The following RBBP8NL variants were observed in gnomAD, a reference collection of about 807,000 sequenced individuals.
The protein encoded by RBBP8NL is RBBP8 N-terminal like.
Under a neutral mutation model 62.2 loss-of-function variants are expected in RBBP8NL, and 59 were observed. The observed-to-expected ratio is 0.95, with a 90% CI of 0.77 to 1.18. The LOEUF is 1.18. RBBP8NL is among the 50% of genes most tolerant of loss of function. The probability of loss-of-function intolerance (pLI) is 0.00; values close to 1 mark genes in which losing one functional copy is unlikely to be tolerated. For missense variants in RBBP8NL, 896 were observed against 899.5 expected (o/e 1.00, Z 0.05); for synonymous variants, 412 against 394.1 (o/e 1.05, Z -0.54).
In RBBP8NL at chr20:62,419,660, C is replaced by T; in HGVS notation, c.-13G>A. 6.2e-7 allele frequency: 1 copy of T among 1,612,626 alleles called. No individual in the cohort carries two copies. The highest frequency in any genetic ancestry group is 8.5e-7 in the Non-Finnish European group (1 of 1,179,882). On this transcript the variant is annotated 5_prime_UTR_variant, in exon 2 of 14. Transcript: ENST00000252998. ...TGAAGCTCTCCATGGCTCCCTGTGG[C>T]CCTGGCCCGGGCCCCTCTGCGCTGG...
At chr20:62,419,885 C>T (rs984198252) in intron 1 of RBBP8NL, among the ~76,000 whole-genome samples, 155 bp from the exon 2 acceptor site, 3 of 152,198 alleles carry the variant, frequency 2.0e-5, no homozygotes, top group Non-Finnish European at 4.4e-5. Flanking sequence ...GGCTCCCGAA[C>T]CCCACGGGCA....
At chr20:62,415,476 T>A in intron 8 of RBBP8NL, 102 bp downstream of exon 8, 1 of 1,426,636 alleles carries the variant, frequency 7.0e-7, no homozygotes, top group Non-Finnish European at 9.8e-7. Context: ...ACATTCAGGG[T>A]TAGGCGCATG....
At position 62,414,041 on chromosome 20, in the gene RBBP8NL, G is replaced by A; in HGVS notation, c.1310C>T (p.Ala437Val). ...RTEAAATQDC[A>V]LDKPLDLSEW... Reference sequence around the variant, plus strand: ...CGAGAGGTCCAGGGGCTTGTCTAGGGCACAGTCCTGCGTGGCTGCAGCCTC... The same window carrying A: ...CGAGAGGTCCAGGGGCTTGTCTAGGACACAGTCCTGCGTGGCTGCAGCCTC... The change falls in exon 10 of 14, where the codon GCC becomes GTC. Residue 437 changes from alanine (A) to valine (V), a missense_variant. Ala to Val is a moderately conservative substitution (Grantham distance 64, BLOSUM62 0). Transcript: ENST00000252998. The A allele has an allele frequency of 1.9e-6, 3 of 1,591,494 alleles. No individual in the cohort carries two copies. The highest frequency in any genetic ancestry group is 1.7e-6 in the Non-Finnish European group (2 of 1,170,204).
chr20:62,411,310 C>T (rs865872084), intron 13 of RBBP8NL, among the ~76,000 whole-genome samples: 3 of 152,166 alleles, frequency 2.0e-5, no homozygotes, highest in Admixed American at 1.3e-4. Context: ...ACACTGGCTG[C>T]GGGCCTCAGC....
intron 1 of RBBP8NL, among the ~76,000 whole-genome samples, chr20:62,422,940 C>T (rs1988739031): frequency 6.6e-6 from 1 of 152,004 alleles, no homozygotes; most frequent in Non-Finnish European, 1.5e-5. Flanking sequence ...CCTCCAGCCA[C>T]CCTCGGAGGG....
chr20:62,420,011 T>C (rs1988665600), intron 1 of RBBP8NL, among the ~76,000 whole-genome samples: 1 of 151,860 alleles, frequency 6.6e-6, no homozygotes, highest in Non-Finnish European at 1.5e-5. Flanking sequence ...GCATCTGGGG[T>C]GAGTGCCGGC....
chr20:62,416,767 G>A lies in RBBP8NL; in HGVS notation c.306C>T (p.Phe102=). The A allele has an allele frequency of 1.3e-6, 2 of 1,581,996 alleles. No individual in the cohort carries two copies. Among genetic ancestry groups the A allele is most frequent in the Non-Finnish European group, 1.7e-6 (2 of 1,162,570 alleles). The change falls in exon 5 of 14, where the codon TTC becomes TTT. Residue 102 remains phenylalanine, a synonymous_variant. Transcript: ENST00000252998. ...SSHLQNLQRI[F]ILTNEMNGLK... ...CTGGTGGGTGGGGCTCACTGAGGAT[G>A]AAGATGCGCTGCAGGTTCTGCAGGT...
chr20:62,416,074 TG>T, intron 6 of RBBP8NL, 89 bp downstream of exon 6: 1 of 1,485,254 alleles, frequency 6.7e-7, no homozygotes, highest in South Asian at 1.2e-5. Flanking sequence ...GAGTCCTCCA[TG>T]GGCGGTTCCC....
chr20:62,426,113 T>C (rs573129807), intron 1 of RBBP8NL, among the ~76,000 whole-genome samples: 1 of 150,294 alleles, frequency 6.7e-6, no homozygotes, highest in African/African-American at 2.5e-5. Context: ...GCAGTGGCAG[T>C]GGCATTAGCA....
At chr20:62,416,294 T>TGGGGTGGGGGGGGGGGGGGG in intron 5 of RBBP8NL, 58 bp from the exon 6 acceptor site, 3 of 515,302 alleles carry the variant, frequency 5.8e-6, no homozygotes, top group Non-Finnish European at 3.8e-6. Context: ...GGGGCAGGGG[T>TGGGGTGGGGGGGGGGGGGGG]GGGGTCGTCA....
At position 62,414,423 on chromosome 20, in the gene RBBP8NL, G is replaced by C. The variant is rs1988514372; in HGVS notation, c.928C>G (p.Pro310Ala). 1 of 1,523,240 alleles carries C rather than the reference G, an allele frequency of 6.6e-7. No individual in the cohort carries two copies. The highest frequency in any genetic ancestry group is 2.1e-5 in the Admixed American group (1 of 48,264). The allele number at this position is 1,523,240 out of a possible 1,614,324, so 94.4% of individuals were successfully genotyped here. The change falls in exon 10 of 14, where the codon CCT (proline) becomes GCT (alanine). Residue 310 changes from proline to alanine, a missense_variant. Transcript: ENST00000252998. The part of the protein sequence containing the change: ...LQSPHSSPLA[P>A]AAAPSDPRLQ... ...CGGGGGTCGCTGGGGGCTGCAGCAG[G>C]GGCCAGGGGGCTGCTGTGGGGGCTC...
intron 9 of RBBP8NL, 62 bp from the exon 10 acceptor site, chr20:62,414,618 C>T: frequency 1.5e-6 from 2 of 1,378,900 alleles, no homozygotes; most frequent in Admixed American, 3.2e-5. Flanking sequence ...CCCAGCGAGC[C>T]CTGAGAGGGA....
chr20:62,419,526 A>C (rs1057218501), intron 2 of RBBP8NL, 61 bp downstream of exon 2: 1 of 1,562,546 alleles, frequency 6.4e-7, no homozygotes. Flanking sequence ...GCCTGCTCCG[A>C]CCCTTAGGTG....
At chr20:62,424,595 C>T (rs960359037) in intron 1 of RBBP8NL, among the ~76,000 whole-genome samples, 1 of 152,198 alleles carries the variant, frequency 6.6e-6, no homozygotes, top group African/African-American at 2.4e-5. Flanking sequence ...TAAACGGGTG[C>T]CTCTTATCCC....
intron 5 of RBBP8NL, 72 bp downstream of exon 5, chr20:62,416,688 A>G (rs1988574381): frequency 1.9e-6 from 2 of 1,050,472 alleles, no homozygotes. Flanking sequence ...ATGCCCCTAC[A>G]TGGGCTGAAC....
intron 7 of RBBP8NL, 32 bp from the exon 8 acceptor site, chr20:62,415,692 G>A: frequency 9.9e-6 from 16 of 1,611,576 alleles, no homozygotes; most frequent in Non-Finnish European, 1.4e-5. Flanking sequence ...GCAAGAGCTT[G>A]GGAGGTGCTC....
chr20:62,422,641 G>A (rs1223807952), intron 1 of RBBP8NL, among the ~76,000 whole-genome samples: 10 of 118,480 alleles, frequency 8.4e-5, no homozygotes, highest in African/African-American at 2.1e-4. Flanking sequence ...TGGGGCCCGG[G>A]GTGGGGATGG....
intron 1 of RBBP8NL, among the ~76,000 whole-genome samples, chr20:62,424,561 C>G (rs1988768609): frequency 6.6e-6 from 1 of 152,174 alleles, no homozygotes; most frequent in Non-Finnish European, 1.5e-5. Context: ...CTGCTCTCAC[C>G]AGAACGGAAC....
intron 7 of RBBP8NL, 35 bp downstream of exon 7, chr20:62,415,753 C>A (rs1002515184): frequency 3.1e-6 from 5 of 1,609,578 alleles, no homozygotes; most frequent in Non-Finnish European, 3.4e-6. Context: ...CCTGCGGGGG[C>A]CCAGCCTCCC....
Sources: gnomAD v4.1 joint callset for allele counts (sites outside exome capture counted in the v4.1 genomes callset) on GRCh38, gnomAD v4.1.1 for gene constraint, MANE v1.5 for transcripts, NCBI Gene and HGNC (gene_info 2026-07-23, HGNC 2026-07-21) for gene names.